Variants in RFTN1 observed in about 807,000 individuals in gnomAD.
RFTN1 encodes the protein raftlin.
A neutral mutation model predicts 46.5 loss-of-function variants in RFTN1; 26 were observed. The observed-to-expected ratio is 0.56, with a 90% confidence interval of 0.41 to 0.78. RFTN1 has a LOEUF of 0.78. Ranked by LOEUF, RFTN1 falls within the 30% of genes least tolerant of loss-of-function variation. RFTN1 has a pLI of 0.00. For synonymous variants in RFTN1, 261 were observed against 284.2 expected (o/e 0.92, Z 0.82); for missense variants, 693 against 718.7 (o/e 0.96, Z 0.41).
chr3:16,374,891 G>A lies in RFTN1; in HGVS notation c.826+2827C>T, dbSNP rs897670024. Among the ~76,000 whole-genome samples, 10 of 152,280 alleles carry A rather than the reference G, an allele frequency of 6.6e-5. No homozygotes were observed. The highest frequency in any genetic ancestry group is 1.3e-4 in the Admixed American group (2 of 15,302). ...ACCTGCAGGGGCAAGGAGGCGTGAC[G>A]GCTGCACCGAGCCCGCAGAGATGGG... On this transcript the variant is annotated intron_variant, in intron 5 of 9. Coordinates refer to ENST00000334133, the MANE Select transcript of RFTN1 (RefSeq NM_015150.2). The surrounding 1 kb of genome is among the most constrained non-coding windows in gnomAD (Gnocchi z 5.4).
intron 2 of RFTN1, among the ~76,000 whole-genome samples, chr3:16,469,915 T>C (rs73024228): frequency 0.047 from 7,084 of 152,280 alleles, 230 homozygotes; most frequent in Middle Eastern, 0.068. Context: ...GCTCCAGATA[T>C]GTTATCTCAT....
intron 2 of RFTN1, among the ~76,000 whole-genome samples, chr3:16,470,230 GCACA>G (rs200435969): frequency 1.3e-5 from 2 of 148,892 alleles, no homozygotes; most frequent in African/African-American, 4.9e-5. Context: ...CTGCACACAC[GCACA>G]CACACACACA....
chr3:16,474,984 G>A lies in RFTN1; in HGVS notation c.145+18741C>T, dbSNP rs1007517903. The stretch of plus-strand genomic sequence containing the variant: ...TTTGATCTCCCACGTTGGAGGTGGG[G>A]CCTAGTGGGAGGTGTTTGGGTCATA... On this transcript the variant is annotated intron_variant, in intron 2 of 9. Transcript: ENST00000334133. The surrounding 1 kb of genome is among the most constrained non-coding windows in gnomAD (Gnocchi z 5.5). Among the ~76,000 whole-genome samples, 1 of 152,228 alleles carries A rather than the reference G, an allele frequency of 6.6e-6. No individual in the cohort carries two copies. Among genetic ancestry groups the A allele is most frequent in the Non-Finnish European group, 1.5e-5 (1 of 68,044 alleles).
intron 6 of RFTN1, among the ~76,000 whole-genome samples, chr3:16,365,580 G>A (rs747799990): frequency 2.0e-5 from 3 of 152,190 alleles, no homozygotes; most frequent in Non-Finnish European, 4.4e-5. Context: ...GGATTTAGAT[G>A]CAGCTGGGGC....
chr3:16,341,628 T>C lies in RFTN1; in HGVS notation c.1147-14752A>G, dbSNP rs2071324908. Among the ~76,000 whole-genome samples the C allele has an allele frequency of 6.6e-6, 1 of 152,078 alleles. No individual in the cohort carries two copies. Among genetic ancestry groups the C allele is most frequent in the Non-Finnish European group, 1.5e-5 (1 of 68,010 alleles). ...TACTCTAAAATATAAAGTTTATTTT[T>C]CTAAAAAAAAGTAAGGACCTTGAAT... On this transcript the variant is annotated intron_variant, in intron 7 of 9. Transcript: ENST00000334133. This position sits in a 1 kb window ranked among gnomAD's most constrained non-coding sequence, Gnocchi z 4.7.
intron 7 of RFTN1, among the ~76,000 whole-genome samples, chr3:16,331,091 T>TC (rs2070260432): frequency 1.3e-5 from 2 of 152,240 alleles, no homozygotes; most frequent in Admixed American, 6.5e-5. Flanking sequence ...TGGGGTGTTC[T>TC]CCATACCTGA....
chr3:16,358,162 T>C lies in RFTN1; in HGVS notation c.1031-115A>G, dbSNP rs144266146. On this transcript the variant is annotated intron_variant, in intron 6 of 9. Coordinates refer to ENST00000334133, the MANE Select transcript of RFTN1 (RefSeq NM_015150.2). ...CATTAATAATCCCAATCAGAACATC[T>C]TTTCAGCATGTTAATTAAAGAAGGC... 9.2e-6 allele frequency: 6 copies of C among 654,990 alleles called. No homozygotes were observed. The African/African-American group carries it at 1.1e-4, about 12-fold the overall frequency. 40.6% of individuals were successfully genotyped at this position (654,990 alleles called of 1,614,324 possible). A position where few individuals can be genotyped will look rare whatever the true frequency, so the allele number is the denominator to read the frequency against.
rs766433334 is a variant in RFTN1, at chr3:16,328,093, C to T, written c.1147-1217G>A. On this transcript the variant is annotated intron_variant, in intron 7 of 9. Coordinates refer to ENST00000334133, the MANE Select transcript of RFTN1 (RefSeq NM_015150.2). ...GATGGGTGCAAAGGCACAGCCCCGG[C>T]CCCTGGAGTTCACAGGCTAGCAGGG... Among the ~76,000 whole-genome samples the T allele has an allele frequency of 2.6e-5, 4 of 152,370 alleles. No homozygotes were observed. In the East Asian group the frequency reaches 5.8e-4, roughly 22 times the overall value.
chr3:16,411,024 T>C (rs552913098), intron 3 of RFTN1, among the ~76,000 whole-genome samples: 134 of 151,556 alleles, frequency 8.8e-4, no homozygotes, highest in African/African-American at 3.0e-3. Context: ...TATTGGGGAG[T>C]GGGAATTAGA....
rs1559372498 is a variant in RFTN1, at chr3:16,489,268, A to G, written c.145+4457T>C. Among the ~76,000 whole-genome samples, 1 of 152,220 alleles carries G rather than the reference A, an allele frequency of 6.6e-6. No individual in the cohort carries two copies. The highest frequency in any genetic ancestry group is 1.9e-4 in the East Asian group (1 of 5,168). On this transcript the variant is annotated intron_variant, in intron 2 of 9. Transcript: ENST00000334133. This position sits in a 1 kb window ranked among gnomAD's most constrained non-coding sequence, Gnocchi z 4.0. ...GCCTGTGTCTACTAAAAATAAAAAA[A>G]TTAGCTGGGCATGGTGGCGGGCACC...
chr3:16,328,985 T>C (rs936644048), intron 7 of RFTN1, among the ~76,000 whole-genome samples: 6 of 152,214 alleles, frequency 3.9e-5, no homozygotes, highest in South Asian at 2.1e-4. Context: ...AAGGTTTGAA[T>C]GTATCCCCCA....
chr3:16,391,196 A>G (rs905938049), intron 4 of RFTN1, among the ~76,000 whole-genome samples: 4 of 152,246 alleles, frequency 2.6e-5, no homozygotes, highest in Non-Finnish European at 4.4e-5. Flanking sequence ...GAATGCTGCT[A>G]TCAGGCTAAC....
rs1457905052 is a variant in RFTN1, at chr3:16,460,264, G to A, written c.146-26227C>T. On this transcript the variant is annotated intron_variant, in intron 2 of 9. Coordinates refer to ENST00000334133, the MANE Select transcript of RFTN1 (RefSeq NM_015150.2). This position sits in a 1 kb window ranked among gnomAD's most constrained non-coding sequence, Gnocchi z 4.8. ...TTGTACATTTACTGGGATCTGGCAG[G>A]ATGAGTTGCACATGGGTAGCATTTA... Among the ~76,000 whole-genome samples the A allele has an allele frequency of 1.3e-5, 2 of 152,122 alleles. No homozygotes were observed. Among genetic ancestry groups the A allele is most frequent in the Non-Finnish European group, 2.9e-5 (2 of 68,018 alleles).
At position 16,402,708 on chromosome 3, in the gene RFTN1, C is replaced by T. The variant is rs1453243726; in HGVS notation, c.441+6667G>A. ...GATATTCTGTTTCATTAAAAGAAGC[C>T]ATTGAGATTTTTCCATCTGTCAAGG... On this transcript the variant is annotated intron_variant, in intron 4 of 9. Coordinates refer to ENST00000334133, the MANE Select transcript of RFTN1 (RefSeq NM_015150.2). The surrounding 1 kb of genome is among the most constrained non-coding windows in gnomAD (Gnocchi z 4.5). 1.3e-5 allele frequency among the ~76,000 whole-genome samples: 2 copies of T among 152,064 alleles called. No homozygotes were observed. The highest frequency in any genetic ancestry group is 2.9e-5 in the Non-Finnish European group (2 of 68,020).
chr3:16,505,381 C>T (rs187794566), intron 1 of RFTN1, among the ~76,000 whole-genome samples: 169 of 152,312 alleles, frequency 1.1e-3, no homozygotes, highest in African/African-American at 3.8e-3. Context: ...ATTCCTTTCC[C>T]GTACCTCTCA....
chr3:16,332,394 CCTTT>C lies in RFTN1; in HGVS notation c.1147-5522_1147-5519del, dbSNP rs578232381. 2.0e-4 allele frequency among the ~76,000 whole-genome samples: 29 copies of C among 146,214 alleles called. No homozygotes were observed. The East Asian group carries it at 5.8e-3, about 29-fold the overall frequency. On this transcript the variant is annotated intron_variant, in intron 7 of 9. Coordinates refer to ENST00000334133, the MANE Select transcript of RFTN1 (RefSeq NM_015150.2). ...TGCCCTATTTTTAAGATTCAAAAGC[CCTTT>C]CTTATCTTTTGATTGCTTCTTTTTT...
rs1184707670 is a variant in RFTN1 at position 16,320,320 on chromosome 3, TTGC to T, written c.1332+3053_1332+3055del. On this transcript the variant is annotated intron_variant, in intron 9 of 9. Coordinates refer to ENST00000334133, the MANE Select transcript of RFTN1 (RefSeq NM_015150.2). This position sits in a 1 kb window ranked among gnomAD's most constrained non-coding sequence, Gnocchi z 4.5. ...TCCTGATTAGAAAAATCTATCCATG[TTGC>T]TGATTAAAAGAAGACTAAATATGCC... 6.6e-6 allele frequency among the ~76,000 whole-genome samples: 1 copy of T among 152,224 alleles called. No individual in the cohort carries two copies. The highest frequency in any genetic ancestry group is 6.5e-5 in the Admixed American group (1 of 15,284).
At chr3:16,437,855 C>T (rs891063914) in intron 2 of RFTN1, among the ~76,000 whole-genome samples, 5 of 144,100 alleles carry the variant, frequency 3.5e-5, no homozygotes, top group East Asian at 2.0e-4. Flanking sequence ...TGCTGGGTGT[C>T]GACCTTATGG....
In RFTN1 at chr3:16,460,384, A is replaced by C. The variant is rs530430639; in HGVS notation, c.146-26347T>G. 4.9e-4 allele frequency among the ~76,000 whole-genome samples: 75 copies of C among 152,302 alleles called. 2 individuals carry two copies. The highest frequency in any genetic ancestry group is 2.7e-3 in the South Asian group (13 of 4,820). The stretch of plus-strand genomic sequence containing the variant: ...CCAATAGGCTTATAAATAAATACAC[A>C]GCCCACAGGAAAGACTTGAGGAGGT... On this transcript the variant is annotated intron_variant, in intron 2 of 9. Coordinates refer to ENST00000334133, the MANE Select transcript of RFTN1 (RefSeq NM_015150.2). The surrounding 1 kb of genome is among the most constrained non-coding windows in gnomAD (Gnocchi z 4.8).
Sources: allele counts gnomAD v4.1 joint callset (sites outside exome capture counted in the v4.1 genomes callset), GRCh38; gene constraint gnomAD v4.1.1; non-coding constraint Gnocchi (gnomAD v3.1); transcripts MANE v1.5; gene names NCBI Gene and HGNC (gene_info 2026-07-23, HGNC 2026-07-21).